RBMS3: variants seen among roughly 807,000 people sequenced by gnomAD.
The protein encoded by RBMS3 is RNA binding motif single stranded interacting protein 3, also known as RNA-binding motif, single-stranded-interacting protein 3.
A neutral mutation model predicts 66.8 loss-of-function variants in RBMS3; 27 were observed. That is an observed-to-expected ratio of 0.40 (90% CI 0.30 to 0.56). The LOEUF (loss-of-function observed/expected upper bound fraction) is 0.56, where lower values mean the gene tolerates loss of function less well. Ranked by LOEUF, RBMS3 falls within the 20% of genes least tolerant of loss-of-function variation. The probability of loss-of-function intolerance (pLI) is 0.40; values close to 1 mark genes in which losing one functional copy is unlikely to be tolerated. For synonymous variants in RBMS3, 188 were observed against 183.0 expected, an observed-to-expected ratio of 1.03 and a Z score of -0.22; for missense variants, 513 against 549.5, an observed-to-expected ratio of 0.93 and a Z score of 0.66.
At chr3:29,742,606 C>T (rs1164964941) in intron 5 of RBMS3, among the ~76,000 whole-genome samples, 1 of 152,178 alleles carries the variant, frequency 6.6e-6, no homozygotes, top group African/African-American at 2.4e-5. Flanking sequence ...AAGTTAGGTG[C>T]TCTTGTTATA....
chr3:29,331,976 G>C (rs2035692244), intron 1 of RBMS3, among the ~76,000 whole-genome samples: 1 of 151,902 alleles, frequency 6.6e-6, no homozygotes, highest in African/African-American at 2.4e-5. Flanking sequence ...ACTCTTTGGG[G>C]GAGTATCTGG....
At chr3:29,716,845 G>T (rs2053419867) in intron 4 of RBMS3, among the ~76,000 whole-genome samples, 1 of 152,030 alleles carries the variant, frequency 6.6e-6, no homozygotes, top group Non-Finnish European at 1.5e-5. Context: ...ATTCTAATTT[G>T]TTTCTTTCTT....
chr3:29,566,469 C>G (rs1446305340), intron 3 of RBMS3, among the ~76,000 whole-genome samples: 1 of 152,038 alleles, frequency 6.6e-6, no homozygotes, highest in Non-Finnish European at 1.5e-5. Flanking sequence ...CTGTCCTGCA[C>G]TGTTCTACAT....
At chr3:29,795,717 G>T (rs1403046334) in intron 6 of RBMS3, among the ~76,000 whole-genome samples, 1 of 152,134 alleles carries the variant, frequency 6.6e-6, no homozygotes, top group Non-Finnish European at 1.5e-5. Context: ...TAAACTGGGA[G>T]GAAGGAGGGA....
intron 12 of RBMS3, among the ~76,000 whole-genome samples, chr3:29,961,271 T>A (rs1696423168): frequency 6.6e-6 from 1 of 152,204 alleles, no homozygotes; most frequent in Admixed American, 6.5e-5. Context: ...ATTTCTTATC[T>A]CCGTCTGAGA....
At position 29,532,237 on chromosome 3, in the gene RBMS3, C is replaced by CATATAT. The variant is rs71688232; in HGVS notation, c.307+43741_307+43746dup. 5.1e-4 allele frequency among the ~76,000 whole-genome samples: 47 copies of CATATAT among 92,098 alleles called. 1 individual carries two copies. Among genetic ancestry groups the CATATAT allele is most frequent in the East Asian group, 8.6e-4 (3 of 3,504 alleles). The allele number at this position is 92,098 out of a possible 152,430, so 60.4% of individuals were successfully genotyped here. A position where few individuals can be genotyped will look rare whatever the true frequency, so the allele number is the denominator to read the frequency against. On this transcript the variant is annotated intron_variant, in intron 3 of 14. Coordinates refer to ENST00000383767, the MANE Select transcript of RBMS3 (RefSeq NM_001003793.3). ...ATCTTTCAGTCTTATTTTAATTTCGCATATATATGTATATATATATATATG... is the reference window on the plus strand; with the variant it reads ...ATCTTTCAGTCTTATTTTAATTTCGCATATATATATATATGTATATATATATATATG...
intron 1 of RBMS3, among the ~76,000 whole-genome samples, chr3:29,285,953 T>A (rs1225125364): frequency 6.6e-6 from 1 of 152,128 alleles, no homozygotes; most frequent in Non-Finnish European, 1.5e-5. Flanking sequence ...AGGGAGGGAA[T>A]GAGTTTAGAA....
At chr3:29,452,886 C>T (rs558449249) in intron 2 of RBMS3, among the ~76,000 whole-genome samples, 2 of 152,240 alleles carry the variant, frequency 1.3e-5, no homozygotes, top group South Asian at 4.1e-4. Flanking sequence ...ACTAAAATTG[C>T]ATGCAAAATT....
chr3:29,833,254 C>T (rs2058420229), intron 6 of RBMS3, among the ~76,000 whole-genome samples: 1 of 152,130 alleles, frequency 6.6e-6, no homozygotes, highest in African/African-American at 2.4e-5. Context: ...CTTCAAAGAA[C>T]ATTAAATAAT....
chr3:29,542,295 T>A (rs7628521), intron 3 of RBMS3, among the ~76,000 whole-genome samples: 41,504 of 152,058 alleles, frequency 0.27, 8,233 homozygotes, highest in African/African-American at 0.56. Context: ...TTGCCCATTT[T>A]TTGTCCCTTA....
rs1327320584 is a variant in RBMS3, at chr3:29,281,635, T to C, written c.-47T>C. The C allele has an allele frequency of 6.6e-7, 1 of 1,523,300 alleles. No homozygotes were observed. Among genetic ancestry groups the C allele is most frequent in the Admixed American group, 1.7e-5 (1 of 59,774 alleles). The allele number at this position is 1,523,300 out of a possible 1,614,324, so 94.4% of individuals were successfully genotyped here. On this transcript the variant is annotated 5_prime_UTR_variant, in exon 1 of 15. Transcript: ENST00000383767. ...AGAGGAAGCTCGGCCTGGGGCACTA[T>C]ACCCTGTCATCCAGTTCCCTGCCTC...
At chr3:29,892,961 C>A (rs535051545) in intron 8 of RBMS3, among the ~76,000 whole-genome samples, 3 of 151,242 alleles carry the variant, frequency 2.0e-5, no homozygotes, top group East Asian at 3.9e-4. Context: ...TTCTGCAGTT[C>A]CCTCCTTGGA....
At chr3:29,442,578 GT>G (rs754274708) in intron 2 of RBMS3, among the ~76,000 whole-genome samples, 3 of 152,154 alleles carry the variant, frequency 2.0e-5, no homozygotes, top group Non-Finnish European at 4.4e-5. Flanking sequence ...CTTTCTGGAT[GT>G]GCTGAGTAAA....
At chr3:29,970,705 G>A (rs1379981854) in intron 12 of RBMS3, among the ~76,000 whole-genome samples, 1 of 152,026 alleles carries the variant, frequency 6.6e-6, no homozygotes, top group Non-Finnish European at 1.5e-5. Context: ...GTTTTCAAGG[G>A]CATTAATAAT....
chr3:29,405,730 A>G (rs2039992067), intron 1 of RBMS3, among the ~76,000 whole-genome samples: 1 of 152,174 alleles, frequency 6.6e-6, no homozygotes, highest in African/African-American at 2.4e-5. Flanking sequence ...CATGGGGGAA[A>G]ATTCAGCCAT....
At chr3:29,383,989 C>T (rs560303531) in intron 1 of RBMS3, among the ~76,000 whole-genome samples, 1 of 152,242 alleles carries the variant, frequency 6.6e-6, no homozygotes, top group East Asian at 1.9e-4. Context: ...TTGAAATAAA[C>T]CATTACCTGA....
At chr3:30,002,737 G>T (rs1445660558) in intron 14 of RBMS3, among the ~76,000 whole-genome samples, 8 of 151,912 alleles carry the variant, frequency 5.3e-5, no homozygotes, top group Non-Finnish European at 8.8e-5. Flanking sequence ...GTTCCTAATT[G>T]CCGTAGCTGG....
intron 2 of RBMS3, among the ~76,000 whole-genome samples, chr3:29,459,975 A>G (rs942977355): frequency 6.6e-6 from 1 of 152,190 alleles, no homozygotes; most frequent in Non-Finnish European, 1.5e-5. Context: ...ACTTCTAATA[A>G]GACACACTCC....
intron 1 of RBMS3, among the ~76,000 whole-genome samples, chr3:29,327,878 C>T (rs182781785): frequency 8.7e-4 from 133 of 152,302 alleles, no homozygotes; most frequent in African/African-American, 2.9e-3. Context: ...TTATCGATCA[C>T]GTCAGAGTGA....
Sources: gnomAD v4.1 joint callset for allele counts (sites outside exome capture counted in the v4.1 genomes callset) on GRCh38, gnomAD v4.1.1 for gene constraint, MANE v1.5 for transcripts, NCBI Gene and HGNC (gene_info 2026-07-23, HGNC 2026-07-21) for gene names.